The following PRRT3 variants were observed in gnomAD, a reference collection of about 807,000 sequenced individuals.
The protein encoded by PRRT3 is proline rich transmembrane protein 3.
In PRRT3, 48 loss-of-function variants were observed where a neutral mutation model predicts 56.6. The ratio of observed to expected loss-of-function variants is 0.85; its 90% CI spans 0.67 to 1.08. The LOEUF is 1.08. Ranked by LOEUF, PRRT3 falls within the 50% of genes least tolerant of loss-of-function variation. The pLI is 0.00. For synonymous variants in PRRT3, 641 were observed against 619.1 expected (o/e 1.04, Z -0.52); for missense variants, 1,370 against 1,353.1 (o/e 1.01, Z -0.20).
At chr3:9,951,303 G>T (rs563339870) in intron 1 of PRRT3, among the ~76,000 whole-genome samples, 4 of 152,168 alleles carry the variant, frequency 2.6e-5, no homozygotes, top group African/African-American at 9.7e-5. Flanking sequence ...TGTGTTTGGC[G>T]GCAGAGGCCC....
Position 9,949,316 on chromosome 3 carries a change from C to T in PRRT3, c.800G>A (p.Gly267Glu). The change falls in exon 2 of 4, where the codon GGG becomes GAG. Residue 267 changes from glycine (G) to glutamate (E), a missense_variant. Coordinates refer to ENST00000412055, the MANE Select transcript of PRRT3 (RefSeq NM_207351.5). This position sits in a 1 kb window ranked among gnomAD's most constrained non-coding sequence, Gnocchi z 4.5. ...GGCCAATGCCAAGTCTGGCTGGGCC[C>T]CTGGCTCCTGAGAGTACACCACCTC... The part of the protein sequence containing the change: ...PVEVVYSQEP[G>E]AQPDLALARS... 2 of 1,613,554 alleles carry T rather than the reference C, an allele frequency of 1.2e-6. No homozygotes were observed. Among genetic ancestry groups the T allele is most frequent in the Non-Finnish European group, 8.5e-7 (1 of 1,179,626 alleles).
intron 3 of PRRT3, 174 bp from the exon 4 acceptor site, chr3:9,948,175 C>T: frequency 1.7e-6 from 1 of 580,942 alleles, no homozygotes; most frequent in Non-Finnish European, 2.6e-6. Flanking sequence ...CGGTGCCCAA[C>T]ACCCAGTAAG....
chr3:9,947,721 C>G lies in PRRT3; in HGVS notation c.1452G>C (p.Leu484=). The stretch of plus-strand genomic sequence containing the variant: ...GCGCAGCCAGCGCCAACAACGCGGG[C>G]AGCAGAAAGAGTACCCCCACCCCGT... The part of the protein sequence containing the change: ...HVYGVGVLFL[L]PALLALAALA... The change falls in exon 4 of 4, where the codon CTG becomes CTC. Residue 484 remains leucine (L), a synonymous_variant. Transcript: ENST00000412055. The surrounding 1 kb of genome is among the most constrained non-coding windows in gnomAD (Gnocchi z 9.2). 7 of 1,562,844 alleles carry G rather than the reference C, an allele frequency of 4.5e-6. No individual in the cohort carries two copies. Among genetic ancestry groups the G allele is most frequent in the Non-Finnish European group, 6.0e-6 (7 of 1,158,198 alleles).
chr3:9,946,656 C>G lies in PRRT3; in HGVS notation c.2517G>C (p.Leu839=). 1.4e-6 allele frequency: 2 copies of G among 1,400,024 alleles called. No homozygotes were observed. Among genetic ancestry groups the G allele is most frequent in the South Asian group, 3.2e-5 (2 of 62,820 alleles). The allele number at this position is 1,400,024 out of a possible 1,614,324, so 86.7% of individuals were successfully genotyped here. Reference sequence around the variant, plus strand: ...GAGCGCCTCCAGGCGGCGGGGAGGCCAGGCCGCGGAGGCCGCAGCGCTGGA... The same window carrying G: ...GAGCGCCTCCAGGCGGCGGGGAGGCGAGGCCGCGGAGGCCGCAGCGCTGGA... ...SVFQRCGLRG[L]ASPPPGGALR... Residue 839 remains leucine (L), a synonymous_variant, in exon 4 of 4, where the codon CTG becomes CTC. Transcript: ENST00000412055. The surrounding 1 kb of genome is among the most constrained non-coding windows in gnomAD (Gnocchi z 4.1).
Position 9,946,481 on chromosome 3 carries a change from CA to C in PRRT3, c.2691del (p.Ala898ArgfsTer34). ...CTGTCGAGGGAGCTGCCAGAAGCCG[CA>C]GCGGCTGCCCCGTCGGGTGCTTCCA... Reference protein sequence around the residue: ...HVVEAPDGAAAAASGSSLDSF... With the variant: ...HVVEAPDGAAXAASGSSLDSF... On this transcript the variant is annotated frameshift_variant, in exon 4 of 4. Coordinates refer to ENST00000412055, the MANE Select transcript of PRRT3 (RefSeq NM_207351.5). LOFTEE classifies it high-confidence loss of function. The surrounding 1 kb of genome is among the most constrained non-coding windows in gnomAD (Gnocchi z 4.1). 4 of 1,554,742 alleles carry C rather than the reference CA, an allele frequency of 2.6e-6. No individual in the cohort carries two copies. Among genetic ancestry groups the C allele is most frequent in the Non-Finnish European group, 3.5e-6 (4 of 1,149,956 alleles).
chr3:9,946,212 C>T lies in PRRT3; in HGVS notation c.*15G>A. The T allele has an allele frequency of 1.2e-6, 2 of 1,608,632 alleles. No homozygotes were observed. Among genetic ancestry groups the T allele is most frequent in the Non-Finnish European group, 1.7e-6 (2 of 1,178,076 alleles). Reference sequence around the variant, plus strand: ...GGCATCGGGCAGGGTCCTGGCCCTGCGTCAGGACCGCTCTTCAAAGCTCGA... The same window carrying T: ...GGCATCGGGCAGGGTCCTGGCCCTGTGTCAGGACCGCTCTTCAAAGCTCGA... On this transcript the variant is annotated 3_prime_UTR_variant, in exon 4 of 4. Transcript: ENST00000412055. The surrounding 1 kb of genome is among the most constrained non-coding windows in gnomAD (Gnocchi z 4.1).
Position 9,950,174 on chromosome 3 carries a change from T to TAAA in PRRT3, c.-57-5_-57-3dup. 9.1e-7 allele frequency: 1 copy of TAAA among 1,093,758 alleles called. No homozygotes were observed. The highest frequency in any genetic ancestry group is 1.2e-6 in the Non-Finnish European group (1 of 849,442). 67.8% of individuals were successfully genotyped at this position (1,093,758 alleles called of 1,614,324 possible). ...CCTTCCAGTCCTCACTGGATGAGCC[T>TAAA]AAAAAAAAAACAGGGCATGGAATGA... On this transcript the variant is annotated splice_polypyrimidine_tract_variant and splice_region_variant and intron_variant, in intron 1 of 3. Transcript: ENST00000412055.
rs1285218783 is a variant in PRRT3, at chr3:9,946,805, G to C, written c.2368C>G (p.Arg790Gly). The C allele has an allele frequency of 6.5e-7, 1 of 1,549,296 alleles. No homozygotes were observed. The highest frequency in any genetic ancestry group is 1.2e-5 in the South Asian group (1 of 84,796). The change falls in exon 4 of 4, where the codon CGC (arginine) becomes GGC (glycine). Residue 790 changes from arginine (R) to glycine (G), a missense_variant. Arg to Gly is a moderately radical substitution (Grantham distance 125, BLOSUM62 -2). Coordinates refer to ENST00000412055, the MANE Select transcript of PRRT3 (RefSeq NM_207351.5). The surrounding 1 kb of genome is among the most constrained non-coding windows in gnomAD (Gnocchi z 4.1). Reference sequence around the variant, plus strand: ...GATGGCGCCGGTCCCACACCGTTGCGGGACAGTCCCGGGCCACCCTGGGGT... The same window carrying C: ...GATGGCGCCGGTCCCACACCGTTGCCGGACAGTCCCGGGCCACCCTGGGGT... ...RGPQGGPGLS[R>G]NGVGPAPSLS...
At chr3:9,948,214 AT>A in intron 3 of PRRT3, 1 of 423,434 alleles carries the variant, frequency 2.4e-6, no homozygotes, top group Non-Finnish European at 4.0e-6. Context: ...TATCATTTTC[AT>A]TAATGCTACT....
chr3:9,950,868 C>T (rs552604735), intron 1 of PRRT3, among the ~76,000 whole-genome samples: 4 of 152,268 alleles, frequency 2.6e-5, no homozygotes, highest in East Asian at 3.9e-4. Context: ...GAATATGCAC[C>T]GGCCTTTGGC....
rs1438282520 is a variant in PRRT3, at chr3:9,946,713, G to A, written c.2460C>T (p.Leu820=). Residue 820 remains leucine, a synonymous_variant, in exon 4 of 4, where the codon CTC becomes CTT. Transcript: ENST00000412055. This position sits in a 1 kb window ranked among gnomAD's most constrained non-coding sequence, Gnocchi z 4.1. ...INLSRSIDAA[L]FREHLVRDSV... is the part of the protein sequence containing the mutation. ...TGTCTCGCACTAGGTGCTCGCGGAA[G>A]AGCGCGGCGTCGATGCTGCGGCTCA... is the stretch of plus-strand genomic sequence containing the variant. 1 of 1,480,208 alleles carries A rather than the reference G, an allele frequency of 6.8e-7. No homozygotes were observed. The highest frequency in any genetic ancestry group is 2.4e-5 in the Admixed American group (1 of 42,190). The allele number at this position is 1,480,208 out of a possible 1,614,324, so 91.7% of individuals were successfully genotyped here.
At position 9,949,644 on chromosome 3, in the gene PRRT3, T is replaced by C; in HGVS notation, c.472A>G (p.Thr158Ala). ...GCTACCCTGAGTTGACGTCTGGGAGTTGTGGGGATGAAAGTGAGATGAGGG... is the reference window on the plus strand; with the variant it reads ...GCTACCCTGAGTTGACGTCTGGGAGCTGTGGGGATGAAAGTGAGATGAGGG... ...GHPHLTFIPT[T>A]PRRQLRVATV... is the part of the protein sequence containing the mutation. The change falls in exon 2 of 4, where the codon ACT becomes GCT. Residue 158 changes from threonine (T) to alanine (A), a missense_variant. Coordinates refer to ENST00000412055, the MANE Select transcript of PRRT3 (RefSeq NM_207351.5). The surrounding 1 kb of genome is among the most constrained non-coding windows in gnomAD (Gnocchi z 4.5). The C allele has an allele frequency of 2.5e-6, 4 of 1,613,400 alleles. No homozygotes were observed. Among genetic ancestry groups the C allele is most frequent in the Non-Finnish European group, 3.4e-6 (4 of 1,179,882 alleles).
Position 9,949,476 on chromosome 3 carries a change from G to C in PRRT3, c.640C>G (p.His214Asp). Residue 214 changes from histidine (H) to aspartate (D), a missense_variant, in exon 2 of 4, where the codon CAC becomes GAC. Transcript: ENST00000412055. The surrounding 1 kb of genome is among the most constrained non-coding windows in gnomAD (Gnocchi z 4.5). ...ACTGGCCTCTTGACAGTACCTGAGT[G>C]GGAAACAAGGGTGTGGGGTGGGCCC... ...HQGPPHTLVS[H>D]SGTVKRPVLE... The C allele has an allele frequency of 6.2e-7, 1 of 1,614,090 alleles. No homozygotes were observed. Among genetic ancestry groups the C allele is most frequent in the African/African-American group, 1.3e-5 (1 of 75,042 alleles).
rs536557155 is a variant in PRRT3 at position 9,947,355 on chromosome 3, G to A, written c.1818C>T (p.Cys606=). The A allele has an allele frequency of 3.1e-6, 5 of 1,610,698 alleles. No homozygotes were observed. The East Asian group carries it at 6.7e-5, about 22-fold the overall frequency. Residue 606 remains cysteine, a synonymous_variant, in exon 4 of 4, where the codon TGC becomes TGT. Coordinates refer to ENST00000412055, the MANE Select transcript of PRRT3 (RefSeq NM_207351.5). This position sits in a 1 kb window ranked among gnomAD's most constrained non-coding sequence, Gnocchi z 9.2. ...VLNLLTQGLS[C]AWGAAVALGT... ...CCAGAGCCACGGCCGCGCCCCAGGC[G>A]CACGACAAGCCCTGCGTCAGGAGGT...
Position 9,949,057 on chromosome 3 carries a change from C to T in PRRT3, c.1015+44G>A, listed in dbSNP as rs115898811. ...CCAGGGTCAAACAGAATTGAGGCAT[C>T]CAGCTGCCCCAGAACATCGCTCAGC... is the stretch of plus-strand genomic sequence containing the variant. On this transcript the variant is annotated intron_variant, in intron 2 of 3. Coordinates refer to ENST00000412055, the MANE Select transcript of PRRT3 (RefSeq NM_207351.5). The surrounding 1 kb of genome is among the most constrained non-coding windows in gnomAD (Gnocchi z 4.5). 57,162 of 1,537,254 alleles carry T rather than the reference C, an allele frequency of 0.037. 1,210 individuals carry two copies. The highest frequency in any genetic ancestry group is 0.043 in the Admixed American group (2,040 of 47,318).
rs774277744 is a variant in PRRT3 at position 9,949,293 on chromosome 3, C to T, written c.823G>A (p.Ala275Thr). 1.9e-6 allele frequency: 3 copies of T among 1,611,624 alleles called. No individual in the cohort carries two copies. The East Asian group carries it at 6.7e-5, about 36-fold the overall frequency. Residue 275 changes from alanine (A) to threonine (T), a missense_variant, in exon 2 of 4, where the codon GCC becomes ACC. By Grantham distance (58) the Ala-to-Thr change is moderately conservative (BLOSUM62 0). Transcript: ENST00000412055. The surrounding 1 kb of genome is among the most constrained non-coding windows in gnomAD (Gnocchi z 4.5). ...TCCTCAGCAGGAGGAAGGCTTCTGG[C>T]CAATGCCAAGTCTGGCTGGGCCCCT... ...EPGAQPDLAL[A>T]RSLPPAEELP...
chr3:9,948,312 G>A (rs1368281768), intron 3 of PRRT3: 3 of 352,438 alleles, frequency 8.5e-6, no homozygotes, highest in East Asian at 8.8e-5. Context: ...TTCTTGGGAC[G>A]TGGCTTGGGC....
rs1409076659 is a variant in PRRT3 at position 9,946,379 on chromosome 3, C to G, written c.2794G>C (p.Asp932His). Residue 932 changes from aspartate to histidine, a missense_variant, in exon 4 of 4, where the codon GAT becomes CAT. Physicochemically the swap from Asp to His is moderately conservative, Grantham distance 81. Transcript: ENST00000412055. The surrounding 1 kb of genome is among the most constrained non-coding windows in gnomAD (Gnocchi z 4.1). ...AGCTGTACCGTGCTGGGCAACTCATCTAGGGGCAGACTGTCCACTGATGAC... is the reference window on the plus strand; with the variant it reads ...AGCTGTACCGTGCTGGGCAACTCATGTAGGGGCAGACTGTCCACTGATGAC... ...GLSSVDSLPL[D>H]ELPSTVQLLP... 5 of 1,608,704 alleles carry G rather than the reference C, an allele frequency of 3.1e-6. No homozygotes were observed. In the East Asian group the frequency reaches 9.0e-5, roughly 29 times the overall value.
rs1326948591 is a variant in PRRT3 at position 9,950,180 on chromosome 3, A to G, written c.-57-8T>C. The G allele has an allele frequency of 3.1e-6, 4 of 1,292,770 alleles. No individual in the cohort carries two copies. The highest frequency in any genetic ancestry group is 4.0e-6 in the Non-Finnish European group (4 of 1,006,810). The allele number at this position is 1,292,770 out of a possible 1,614,324, so 80.1% of individuals were successfully genotyped here. ...AGTCCTCACTGGATGAGCCTAAAAA[A>G]AAAACAGGGCATGGAATGACATGTG... On this transcript the variant is annotated splice_polypyrimidine_tract_variant and splice_region_variant and intron_variant, in intron 1 of 3. Coordinates refer to ENST00000412055, the MANE Select transcript of PRRT3 (RefSeq NM_207351.5).
Sources: gnomAD v4.1 joint callset for allele counts (sites outside exome capture counted in the v4.1 genomes callset) on GRCh38, gnomAD v4.1.1 for gene constraint, Gnocchi (gnomAD v3.1) non-coding constraint, MANE v1.5 for transcripts, NCBI Gene and HGNC (gene_info 2026-07-23, HGNC 2026-07-21) for gene names.